Variants in BRCC3 observed in about 807,000 individuals in gnomAD.
BRCC3 encodes the protein lys-63-specific deubiquitinase BRCC36.
A neutral mutation model predicts 28.0 loss-of-function variants in BRCC3; 15 were observed. That is an observed-to-expected ratio of 0.54 (90% CI 0.36 to 0.82). BRCC3 has a LOEUF of 0.82. Among genes scored for constraint, BRCC3 ranks in the 40% least tolerant of loss-of-function variants. The pLI is 0.01. For missense variants in BRCC3, 109 were observed against 225.9 expected, an observed-to-expected ratio of 0.48 and a Z score of 3.32; for synonymous variants, 66 against 80.3, an observed-to-expected ratio of 0.82 and a Z score of 0.95.
intron 5 of BRCC3, among the ~76,000 whole-genome samples, chrX:155,085,861 ATGGC>A (rs2074121849): frequency 9.0e-6 from 1 of 111,692 alleles, no homozygotes; most frequent in African/African-American, 3.3e-5. Context: ...GGGTAGGTCC[ATGGC>A]TGCCTGGTTC....
At chrX:155,074,321 TTC>T (rs1829611381) in intron 3 of BRCC3, among the ~76,000 whole-genome samples, 1 of 112,317 alleles carries the variant, frequency 8.9e-6, no homozygotes, top group Admixed American at 9.4e-5. Flanking sequence ...ATAGCCAGAC[TTC>T]TTAAAAGAAT....
chrX:155,083,832 A>G (rs1557294437), intron 5 of BRCC3, among the ~76,000 whole-genome samples: 21 of 112,553 alleles, frequency 1.9e-4, no homozygotes, highest in Non-Finnish European at 3.8e-5. Context: ...GGTACTCTCT[A>G]CTTATTGAAA....
intron 7 of BRCC3, among the ~76,000 whole-genome samples, chrX:155,112,579 A>C (rs1490624413): frequency 8.8e-6 from 1 of 113,034 alleles, no homozygotes; most frequent in Non-Finnish European, 1.9e-5. Flanking sequence ...AGAATAGGTA[A>C]AGAATTCTTA....
rs1454421976 is a variant in BRCC3, at chrX:155,121,621, G to T, written c.*417G>T. The T allele has an allele frequency of 2.7e-5, 3 of 112,083 alleles. No individual in the cohort carries two copies. The highest frequency in any genetic ancestry group is 5.6e-5 in the Non-Finnish European group (3 of 53,224). The allele number at this position is 112,083 out of a possible 1,213,427, so 9.2% of individuals were successfully genotyped here. A position where few individuals can be genotyped will look rare whatever the true frequency, so the allele number is the denominator to read the frequency against. Reference sequence around the variant, plus strand: ...ATAAAACTAGATAACTTTGAAAAAAGCCACAGGAGAAAAATCTTCAGGATC... The same window carrying T: ...ATAAAACTAGATAACTTTGAAAAAATCCACAGGAGAAAAATCTTCAGGATC... On this transcript the variant is annotated 3_prime_UTR_variant, in exon 11 of 11. Coordinates refer to ENST00000330045, the MANE Select transcript of BRCC3 (RefSeq NM_001018055.3).
At chrX:155,075,240 C>G (rs1557293306) in intron 3 of BRCC3, among the ~76,000 whole-genome samples, 1 of 111,563 alleles carries the variant, frequency 9.0e-6, no homozygotes, top group Non-Finnish European at 1.9e-5. Context: ...AGCCTTCTCT[C>G]AGATTTCACC....
chrX:155,112,484 C>G (rs147474270), intron 7 of BRCC3, among the ~76,000 whole-genome samples: 1 of 112,518 alleles, frequency 8.9e-6, no homozygotes, highest in Non-Finnish European at 1.9e-5. Flanking sequence ...ATTTTTGGAC[C>G]GTGGTTGACC....
At chrX:155,094,147 T>G (rs1342133691) in intron 7 of BRCC3, among the ~76,000 whole-genome samples, 1 of 110,953 alleles carries the variant, frequency 9.0e-6, no homozygotes, top group African/African-American at 3.3e-5. Context: ...ATTTGTGGCC[T>G]TGGCTTGTCA....
At chrX:155,072,459 C>A in intron 2 of BRCC3, 116 bp downstream of exon 2, 1 of 533,875 alleles carries the variant, frequency 1.9e-6, no homozygotes, top group Non-Finnish European at 3.1e-6. Flanking sequence ...TTACCATTAT[C>A]ACTCCGGGGC....
intron 3 of BRCC3, among the ~76,000 whole-genome samples, chrX:155,074,533 C>G (rs1245643117): frequency 8.9e-6 from 1 of 111,788 alleles, no homozygotes; most frequent in African/African-American, 3.3e-5. Flanking sequence ...GTGGACTCCT[C>G]TTCCTCCTCT....
At chrX:155,072,531 G>A (rs1413295439) in intron 2 of BRCC3, among the ~76,000 whole-genome samples, 188 bp downstream of exon 2, 1 of 111,005 alleles carries the variant, frequency 9.0e-6, no homozygotes, top group African/African-American at 3.3e-5. Flanking sequence ...GTTGAGATAT[G>A]GGATAAACAT....
At chrX:155,106,998 A>G (rs782607328) in intron 7 of BRCC3, among the ~76,000 whole-genome samples, 20 of 111,682 alleles carry the variant, frequency 1.8e-4, no homozygotes, top group Non-Finnish European at 3.2e-4. Flanking sequence ...CATATTTTGT[A>G]TATTTGTGCT....
intron 7 of BRCC3, among the ~76,000 whole-genome samples, chrX:155,094,967 G>A (rs1349501905): frequency 8.9e-6 from 1 of 112,422 alleles, no homozygotes; most frequent in East Asian, 2.8e-4. Flanking sequence ...TAGGAATTGT[G>A]TGATAAAGAC....
chrX:155,086,202 G>C (rs1406083670), intron 5 of BRCC3, among the ~76,000 whole-genome samples: 8 of 111,837 alleles, frequency 7.2e-5, no homozygotes, highest in African/African-American at 2.3e-4. Flanking sequence ...GCTGATCACA[G>C]TGGCATCTGC....
At chrX:155,112,687 T>C (rs1277218770) in intron 7 of BRCC3, among the ~76,000 whole-genome samples, 2 of 111,986 alleles carry the variant, frequency 1.8e-5, no homozygotes, top group Non-Finnish European at 3.8e-5. Flanking sequence ...GAACAAGAAA[T>C]AAAAGGCATC....
chrX:155,118,259 A>T (rs2074369111), intron 9 of BRCC3, among the ~76,000 whole-genome samples: 1 of 112,213 alleles, frequency 8.9e-6, no homozygotes, highest in Admixed American at 9.5e-5. Flanking sequence ...AACTACTGAA[A>T]CATGAACAAA....
rs1026200355 is a variant in BRCC3 at position 155,121,231 on chromosome X, A to G, written c.*27A>G. The G allele has an allele frequency of 1.6e-4, 18 of 112,233 alleles. No individual in the cohort carries two copies. The highest frequency in any genetic ancestry group is 1.4e-3 in the Admixed American group (15 of 10,588). 9.2% of individuals were successfully genotyped at this position (112,233 alleles called of 1,213,427 possible). On this transcript the variant is annotated 3_prime_UTR_variant, in exon 11 of 11. Transcript: ENST00000330045. The stretch of plus-strand genomic sequence containing the variant: ...TTTTTCTTTCCCTATAGGAAAGATG[A>G]AAATATCCAGTGTAAAGTTACTTAA...
intron 7 of BRCC3, among the ~76,000 whole-genome samples, chrX:155,094,476 C>T (rs1258742268): frequency 9.1e-6 from 1 of 110,492 alleles, no homozygotes; most frequent in Non-Finnish European, 1.9e-5. Context: ...GCTAGAGTCT[C>T]ATTGCTGGTA....
At chrX:155,104,491 C>G (rs868958740) in intron 7 of BRCC3, among the ~76,000 whole-genome samples, 1 of 112,302 alleles carries the variant, frequency 8.9e-6, no homozygotes, top group Non-Finnish European at 1.9e-5. Context: ...ATTTTCCATT[C>G]GGACTGTTGA....
rs371817972 is a variant in BRCC3, at chrX:155,089,365, ATGTGTG to A, written c.492+34_492+39del. 42 of 925,138 alleles carry A rather than the reference ATGTGTG, an allele frequency of 4.5e-5. No homozygotes were observed. The highest frequency in any genetic ancestry group is 6.6e-5 in the South Asian group (3 of 45,630). 76.2% of individuals were successfully genotyped at this position (925,138 alleles called of 1,213,427 possible). The stretch of plus-strand genomic sequence containing the variant: ...AAGAACACAAAGGTATTGTGTGTGC[ATGTGTG>A]TGTGTGTGTGTGTGTGTGTAGGGTC... On this transcript the variant is annotated intron_variant, in intron 6 of 10. Transcript: ENST00000330045.
Sources: gnomAD v4.1 joint callset for allele counts (sites outside exome capture counted in the v4.1 genomes callset) on GRCh38, gnomAD v4.1.1 for gene constraint, MANE v1.5 for transcripts, NCBI Gene and HGNC (gene_info 2026-07-23, HGNC 2026-07-21) for gene names.